CEP70: variants seen among roughly 807,000 people sequenced by gnomAD.
The protein encoded by CEP70 is centrosomal protein of 70 kDa.
A neutral mutation model predicts 90.9 loss-of-function variants in CEP70; 70 were observed. The ratio of observed to expected loss-of-function variants is 0.77; its 90% CI spans 0.64 to 0.94. CEP70 has a LOEUF of 0.94. Among genes scored for constraint, CEP70 ranks in the 40% least tolerant of loss-of-function variants. The pLI is 0.00. For missense variants in CEP70, 648 were observed against 669.0 expected (o/e 0.97, Z 0.35); for synonymous variants, 220 against 228.3 (o/e 0.96, Z 0.33).
chr3:138,505,233 A>G, intron 13 of CEP70, 62 bp downstream of exon 13: 2 of 1,265,056 alleles, frequency 1.6e-6, no homozygotes, highest in Middle Eastern at 2.0e-4. Flanking sequence ...ATTAAGTCCT[A>G]TTAATAAAGC....
chr3:138,516,398 G>A (rs1251216993), intron 11 of CEP70, among the ~76,000 whole-genome samples: 2 of 151,852 alleles, frequency 1.3e-5, no homozygotes, highest in Non-Finnish European at 2.9e-5. Flanking sequence ...GGGGACGGGG[G>A]GTGGAGGGAC....
chr3:138,523,546 T>C (rs557874474), intron 11 of CEP70, among the ~76,000 whole-genome samples: 2 of 152,200 alleles, frequency 1.3e-5, no homozygotes, highest in East Asian at 3.9e-4. Flanking sequence ...ACAAAATCAA[T>C]GTGCAAAAAT....
intron 2 of CEP70, among the ~76,000 whole-genome samples, chr3:138,579,863 G>A (rs1331480384): frequency 6.6e-6 from 1 of 151,914 alleles, no homozygotes; most frequent in Non-Finnish European, 1.5e-5. Flanking sequence ...AGACTTTCTT[G>A]AGCTTAGATA....
At position 138,537,350 on chromosome 3, in the gene CEP70, A is replaced by C. The variant is rs745919333; in HGVS notation, c.466-3T>G. 2.5e-6 allele frequency: 4 copies of C among 1,569,508 alleles called. No individual in the cohort carries two copies. In the East Asian group the frequency reaches 6.8e-5, roughly 27 times the overall value. On this transcript the variant is annotated splice_polypyrimidine_tract_variant and splice_region_variant and intron_variant, in intron 6 of 17. Transcript: ENST00000264982. Reference sequence around the variant, plus strand: ...TTCTTATAATGCTGGCACTTCACCTATAAGATATTTTTTAAAAACATGATT... The same window carrying C: ...TTCTTATAATGCTGGCACTTCACCTCTAAGATATTTTTTAAAAACATGATT...
intron 2 of CEP70, among the ~76,000 whole-genome samples, chr3:138,586,929 A>G (rs1299708473): frequency 2.6e-5 from 4 of 152,188 alleles, no homozygotes; most frequent in Admixed American, 6.5e-5. Context: ...GTATCAAAAT[A>G]TCCCATGTAA....
intron 7 of CEP70, among the ~76,000 whole-genome samples, chr3:138,533,817 T>C (rs898915594): frequency 1.3e-5 from 2 of 152,088 alleles, no homozygotes; most frequent in Admixed American, 6.6e-5. Context: ...GATGGAGTCA[T>C]GCTGTCGCCC....
chr3:138,570,245 G>T, intron 6 of CEP70, 73 bp downstream of exon 6: 2 of 977,460 alleles, frequency 2.0e-6, no homozygotes, highest in Non-Finnish European at 3.0e-6. Flanking sequence ...CAAACAACAT[G>T]GAAGTCACCT....
chr3:138,537,068 C>T, intron 7 of CEP70, 110 bp downstream of exon 7: 1 of 607,228 alleles, frequency 1.6e-6, no homozygotes. Flanking sequence ...GAGAGAGAGG[C>T]TTTTCTAGTT....
At chr3:138,565,478 T>C (rs2040715419) in intron 6 of CEP70, among the ~76,000 whole-genome samples, 1 of 152,024 alleles carries the variant, frequency 6.6e-6, no homozygotes, top group African/African-American at 2.4e-5. Flanking sequence ...ATGGTAAGGG[T>C]ACCAAAACAG....
At chr3:138,546,604 C>G (rs2039224269) in intron 6 of CEP70, among the ~76,000 whole-genome samples, 1 of 152,068 alleles carries the variant, frequency 6.6e-6, no homozygotes, top group South Asian at 2.1e-4. Context: ...CAAAACTTAG[C>G]TGGGCGTAGT....
chr3:138,500,035 T>C (rs1304843098), intron 16 of CEP70, 75 bp downstream of exon 16: 5 of 966,986 alleles, frequency 5.2e-6, no homozygotes, highest in Non-Finnish European at 8.4e-6. Flanking sequence ...GCCTCCCAAG[T>C]AGCTGGGACT....
At chr3:138,551,474 A>C (rs768338195) in intron 6 of CEP70, among the ~76,000 whole-genome samples, 3 of 152,142 alleles carry the variant, frequency 2.0e-5, no homozygotes, top group African/African-American at 7.2e-5. Context: ...GGCTGGGTGC[A>C]GTGGTTCATG....
intron 11 of CEP70, among the ~76,000 whole-genome samples, chr3:138,515,837 C>T (rs2035963611): frequency 6.6e-6 from 1 of 151,970 alleles, no homozygotes; most frequent in Non-Finnish European, 1.5e-5. Context: ...TTTTTACTTC[C>T]CTACATCCTC....
At chr3:138,574,587 A>G (rs1385600432) in intron 2 of CEP70, among the ~76,000 whole-genome samples, 1 of 152,190 alleles carries the variant, frequency 6.6e-6, no homozygotes, top group African/African-American at 2.4e-5. Context: ...TGAAGACAGC[A>G]GTGGTTCTCC....
intron 2 of CEP70, among the ~76,000 whole-genome samples, chr3:138,576,378 G>C: frequency 6.6e-6 from 1 of 152,146 alleles, no homozygotes; most frequent in East Asian, 1.9e-4. Context: ...ATGGTAAAGG[G>C]ATCAATTCAA....
chr3:138,584,767 C>A (rs1174459770), intron 2 of CEP70, among the ~76,000 whole-genome samples: 2 of 150,960 alleles, frequency 1.3e-5, no homozygotes, highest in Non-Finnish European at 3.0e-5. Context: ...AAAAAAAAAA[C>A]CCTAAAAAAA....
chr3:138,559,331 G>A (rs530956211), intron 6 of CEP70, among the ~76,000 whole-genome samples: 15 of 152,260 alleles, frequency 9.9e-5, no homozygotes, highest in African/African-American at 3.6e-4. Flanking sequence ...AGCTAAGAAT[G>A]TACCCAAACT....
chr3:138,569,264 A>G (rs912741249), intron 6 of CEP70, among the ~76,000 whole-genome samples: 2 of 152,140 alleles, frequency 1.3e-5, no homozygotes, highest in African/African-American at 4.8e-5. Flanking sequence ...GCACACACTG[A>G]GGGGACTTCC....
intron 7 of CEP70, 158 bp downstream of exon 7, chr3:138,537,018 AAG>A: frequency 4.9e-6 from 2 of 407,148 alleles, no homozygotes; most frequent in South Asian, 1.2e-4. Context: ...AAAAAAAAAA[AAG>A]AACAGGATGA....
Sources: allele counts gnomAD v4.1 joint callset (sites outside exome capture counted in the v4.1 genomes callset), GRCh38; gene constraint gnomAD v4.1.1; transcripts MANE v1.5; gene names NCBI Gene and HGNC (gene_info 2026-07-23, HGNC 2026-07-21).